EEPD1: variants seen among roughly 807,000 people sequenced by gnomAD.
EEPD1 encodes the protein endonuclease/exonuclease/phosphatase family domain containing 1.
A neutral mutation model predicts 46.3 loss-of-function variants in EEPD1; 17 were observed. The ratio of observed to expected loss-of-function variants is 0.37; its 90% CI spans 0.25 to 0.55. EEPD1 has a LOEUF of 0.55. Ranked by LOEUF, EEPD1 falls within the 20% of genes least tolerant of loss-of-function variation. EEPD1 has a pLI of 0.83. For missense variants in EEPD1, 673 were observed against 745.6 expected (o/e 0.90, Z 1.13); for synonymous variants, 313 against 315.6 (o/e 0.99, Z 0.09).
At chr7:36,188,747 G>T (rs190375199) in intron 2 of EEPD1, among the ~76,000 whole-genome samples, 1 of 151,938 alleles carries the variant, frequency 6.6e-6, no homozygotes, top group African/African-American at 2.4e-5. Context: ...TGAAATGGGT[G>T]GTTTGCATTA....
chr7:36,252,530 T>C (rs912878381), intron 3 of EEPD1, among the ~76,000 whole-genome samples: 1 of 152,196 alleles, frequency 6.6e-6, no homozygotes, highest in African/African-American at 2.4e-5. Flanking sequence ...CCCTCTTTTT[T>C]CTGGGAAAGC....
chr7:36,193,176 T>C lies in EEPD1; in HGVS notation c.878+37974T>C, dbSNP rs1181881913. On this transcript the variant is annotated intron_variant, in intron 2 of 7. Coordinates refer to ENST00000242108, the MANE Select transcript of EEPD1 (RefSeq NM_030636.3). The surrounding 1 kb of genome is among the most constrained non-coding windows in gnomAD (Gnocchi z 4.9). Reference sequence around the variant, plus strand: ...ATTCCGTGGACATTGGCAGCAGGCATGCTCACCACATCTTGGGGTGAGTGG... The same window carrying C: ...ATTCCGTGGACATTGGCAGCAGGCACGCTCACCACATCTTGGGGTGAGTGG... Among the ~76,000 whole-genome samples, 1 of 152,146 alleles carries C rather than the reference T, an allele frequency of 6.6e-6. No homozygotes were observed. The highest frequency in any genetic ancestry group is 2.4e-5 in the African/African-American group (1 of 41,434).
Position 36,281,210 on chromosome 7 carries a change from G to A in EEPD1, c.1026G>A (p.Ser342=), listed in dbSNP as rs763367291. 1.8e-5 allele frequency: 29 copies of A among 1,614,002 alleles called. No homozygotes were observed. The highest frequency in any genetic ancestry group is 6.6e-5 in the South Asian group (6 of 91,082). Reference sequence around the variant, plus strand: ...AGGCTGTTGTTGCTGAGAAGCCCTCGAGTCAGCTCCAGAAGGTACCCTCGT... The same window carrying A: ...AGGCTGTTGTTGCTGAGAAGCCCTCAAGTCAGCTCCAGAAGGTACCCTCGT... ...CWKAVVAEKP[S]SQLQKGAGYA... is the part of the protein sequence containing the mutation. Residue 342 remains serine (S), a synonymous_variant, in exon 4 of 8, where the codon TCG becomes TCA. Coordinates refer to ENST00000242108, the MANE Select transcript of EEPD1 (RefSeq NM_030636.3).
chr7:36,155,183 A>G lies in EEPD1; in HGVS notation c.859A>G (p.Met287Val), dbSNP rs1583775088. The G allele has an allele frequency of 2.6e-6, 4 of 1,514,708 alleles. No individual in the cohort carries two copies. Among genetic ancestry groups the G allele is most frequent in the Middle Eastern group, 1.8e-4 (1 of 5,590 alleles). The allele number at this position is 1,514,708 out of a possible 1,614,324, so 93.8% of individuals were successfully genotyped here. A position where few individuals can be genotyped will look rare whatever the true frequency, so the allele number is the denominator to read the frequency against. ...CCCCGGGGTGCGAGAGGTGGTGTGC[A>G]TGACACTCCTGGAAAACAGGTGAGG... Reference protein sequence around the residue: ...NNPGVREVVCMTLLENSIKLL... With the variant: ...NNPGVREVVCVTLLENSIKLL... The change falls in exon 2 of 8, where the codon ATG becomes GTG. Residue 287 changes from methionine to valine, a missense_variant. By Grantham distance (21) the Met-to-Val change is conservative. Coordinates refer to ENST00000242108, the MANE Select transcript of EEPD1 (RefSeq NM_030636.3).
At chr7:36,289,823 A>G (rs1787400413) in intron 6 of EEPD1, among the ~76,000 whole-genome samples, 1 of 152,184 alleles carries the variant, frequency 6.6e-6, no homozygotes. Context: ...AGGCTAAGTA[A>G]TATCCCACTG....
At chr7:36,262,116 A>G (rs781307273) in intron 3 of EEPD1, among the ~76,000 whole-genome samples, 22 of 152,136 alleles carry the variant, frequency 1.4e-4, no homozygotes, top group Non-Finnish European at 2.2e-4. Context: ...CTGCTGCTCT[A>G]TTCTTTCCCG....
chr7:36,188,161 A>C (rs1451095627), intron 2 of EEPD1, among the ~76,000 whole-genome samples: 1 of 152,186 alleles, frequency 6.6e-6, no homozygotes, highest in East Asian at 1.9e-4. Flanking sequence ...ACAAATTTAC[A>C]CCAATATTCA....
At chr7:36,254,590 G>A (rs1392879010) in intron 3 of EEPD1, among the ~76,000 whole-genome samples, 4 of 152,114 alleles carry the variant, frequency 2.6e-5, no homozygotes, top group African/African-American at 9.7e-5. Context: ...ATAAATATAC[G>A]TGTGCATGTG....
chr7:36,273,446 A>G (rs767976104), intron 3 of EEPD1, among the ~76,000 whole-genome samples: 3 of 151,900 alleles, frequency 2.0e-5, no homozygotes, highest in Non-Finnish European at 4.4e-5. Context: ...TCTTCTTACC[A>G]TTGTTGGATT....
chr7:36,249,462 C>T (rs190404994), intron 3 of EEPD1, among the ~76,000 whole-genome samples: 9 of 152,108 alleles, frequency 5.9e-5, no homozygotes, highest in Non-Finnish European at 8.8e-5. Flanking sequence ...ATAATAAACA[C>T]GCTATGGCAT....
chr7:36,206,584 G>A (rs1351767536), intron 2 of EEPD1, among the ~76,000 whole-genome samples: 1 of 152,160 alleles, frequency 6.6e-6, no homozygotes. Context: ...CAAGGATGCT[G>A]TCTGGGCCCA....
At chr7:36,294,696 A>G (rs942050133) in intron 6 of EEPD1, among the ~76,000 whole-genome samples, 5 of 152,198 alleles carry the variant, frequency 3.3e-5, no homozygotes, top group Non-Finnish European at 7.3e-5. Context: ...AACTAAAAAG[A>G]AAATCAGTTC....
At chr7:36,276,317 A>G (rs898032242) in intron 3 of EEPD1, among the ~76,000 whole-genome samples, 1 of 152,196 alleles carries the variant, frequency 6.6e-6, no homozygotes, top group African/African-American at 2.4e-5. Flanking sequence ...ACTAATTATA[A>G]TGCATTAGCA....
chr7:36,270,130 A>T (rs1013258094), intron 3 of EEPD1, among the ~76,000 whole-genome samples: 2 of 152,094 alleles, frequency 1.3e-5, no homozygotes, highest in Non-Finnish European at 2.9e-5. Flanking sequence ...ATGTGTGTGT[A>T]TACAGACATA....
intron 2 of EEPD1, among the ~76,000 whole-genome samples, chr7:36,223,481 T>G (rs1786182930): frequency 6.6e-6 from 1 of 151,112 alleles, no homozygotes; most frequent in African/African-American, 2.4e-5. Flanking sequence ...TCCCCACCCC[T>G]CATTAGAACG....
intron 3 of EEPD1, among the ~76,000 whole-genome samples, chr7:36,243,773 CA>C (rs1317416325): frequency 6.6e-6 from 1 of 151,952 alleles, no homozygotes; most frequent in Non-Finnish European, 1.5e-5. Flanking sequence ...TGGAAATCAT[CA>C]TTCTCAGTAA....
chr7:36,170,265 T>C (rs919136741), intron 2 of EEPD1, among the ~76,000 whole-genome samples: 1 of 151,728 alleles, frequency 6.6e-6, no homozygotes, highest in Non-Finnish European at 1.5e-5. Flanking sequence ...AAAAATTAGC[T>C]GGGCATGGTG....
Position 36,158,454 on chromosome 7 carries a change from G to T in EEPD1, c.878+3252G>T, listed in dbSNP as rs369368344. Among the ~76,000 whole-genome samples the T allele has an allele frequency of 2.0e-4, 31 of 152,296 alleles. No homozygotes were observed. In the East Asian group the frequency reaches 4.1e-3, roughly 20 times the overall value. ...GCTGTGAATTTGCTTTAGTAGGTGTGTTTTCTTAGGCTGAAGGGTAGCTGT... is the reference window on the plus strand; with the variant it reads ...GCTGTGAATTTGCTTTAGTAGGTGTTTTTTCTTAGGCTGAAGGGTAGCTGT... On this transcript the variant is annotated intron_variant, in intron 2 of 7. Transcript: ENST00000242108.
chr7:36,168,393 C>T (rs757384551), intron 2 of EEPD1, among the ~76,000 whole-genome samples: 8 of 152,240 alleles, frequency 5.3e-5, no homozygotes, highest in East Asian at 1.9e-4. Context: ...AATTACCCAG[C>T]GCCCAAACTC....
Sources: gnomAD v4.1 joint callset for allele counts (sites outside exome capture counted in the v4.1 genomes callset) on GRCh38, gnomAD v4.1.1 for gene constraint, Gnocchi (gnomAD v3.1) non-coding constraint, MANE v1.5 for transcripts, NCBI Gene and HGNC (gene_info 2026-07-23, HGNC 2026-07-21) for gene names.